Variants in GALK1 observed in about 807,000 individuals in gnomAD.
The protein encoded by GALK1 is galactokinase.
GALK1 carries 30 observed loss-of-function variants against 38.6 expected under a neutral mutation model. The observed-to-expected ratio is 0.78, with a 90% CI of 0.58 to 1.05. The LOEUF (loss-of-function observed/expected upper bound fraction) is 1.05. GALK1 is among the 50% of genes least tolerant of loss of function. The pLI, the probability that GALK1 is intolerant of heterozygous loss-of-function variation, is 0.00. For synonymous variants in GALK1, 240 were observed against 233.6 expected (o/e 1.03, Z -0.25); for missense variants, 512 against 540.5 (o/e 0.95, Z 0.52).
downstream of GALK1, chr17:75,755,566 AG>A: frequency 9.0e-7 from 1 of 1,116,542 alleles, no homozygotes; most frequent in Non-Finnish European, 1.3e-6. Flanking sequence ...AGGGTGTTGC[AG>A]GGTGAGTGAG....
At chr17:75,753,700 C>A, downstream of GALK1, 1 of 1,137,752 alleles carries the variant, frequency 8.8e-7, no homozygotes, top group South Asian at 3.0e-5. Context: ...CGGCCTTCCC[C>A]CGCCTGGCCC....
chr17:75,754,620 A>G (rs1219985007), downstream of GALK1: 2 of 1,613,940 alleles, frequency 1.2e-6, no homozygotes, highest in Non-Finnish European at 1.7e-6. Flanking sequence ...CCCGGGCAGC[A>G]CCAACTCCCT....
chr17:75,757,783 T>G, downstream of GALK1: 1 of 681,472 alleles, frequency 1.5e-6, no homozygotes, highest in African/African-American at 1.8e-5. Flanking sequence ...GACCCAGCCT[T>G]TGTTCTGCAC....
chr17:75,762,788 G>A lies in GALK1; in HGVS notation c.709C>T (p.Pro237Ser). 6.2e-7 allele frequency: 1 copy of A among 1,613,916 alleles called. No homozygotes were observed. The highest frequency in any genetic ancestry group is 8.5e-7 in the Non-Finnish European group (1 of 1,180,014). ...TCTTCACATTGGCGCCGCCGCACAG[G>A]GTACTCGCTGGAGGCCAGGGAGTGG... ...VRHSLASSEYPVRRRQCEEVA... is the reference protein window; with the variant it reads ...VRHSLASSEYSVRRRQCEEVA... The change falls in exon 5 of 8, where the codon CCT becomes TCT. Residue 237 changes from proline (P) to serine (S), a missense_variant. Coordinates refer to ENST00000588479, the MANE Select transcript of GALK1 (RefSeq NM_000154.2).
intron 1 of GALK1, chr17:75,764,742 T>C (rs2061603379): frequency 3.2e-6 from 2 of 623,834 alleles, no homozygotes; most frequent in Admixed American, 2.8e-5. Flanking sequence ...AGGGCGGGCT[T>C]GAGCCAAGAG....
At position 75,758,272 on chromosome 17, in the gene GALK1, C is replaced by G; in HGVS notation, c.1045G>C (p.Gly349Arg). 6.3e-7 allele frequency: 1 copy of G among 1,593,660 alleles called. No individual in the cohort carries two copies. The highest frequency in any genetic ancestry group is 8.5e-7 in the Non-Finnish European group (1 of 1,171,272). The change falls in exon 7 of 8, where the codon GGT becomes CGT. Residue 349 changes from glycine (G) to arginine (R), a missense_variant. By Grantham distance (125) the Gly-to-Arg change is moderately radical. Coordinates refer to ENST00000588479, the MANE Select transcript of GALK1 (RefSeq NM_000154.2). ...YGSRMTGGGF[G>R]GCTVTLLEAS... ...TCCAGCAGTGTCACCGTGCAGCCAC[C>G]GAAGCCACCGCCCGTCATGCGGCTG...
Position 75,758,313 on chromosome 17 carries a change from A to G in GALK1, c.1004T>C (p.Val335Ala). ...CATGCGGCTGCCATAAACCCCAGGC[A>G]CAGCAAGCGCAGCCTCCACCAGCTG... ...LDQLVEAALA[V>A]PGVYGSRMTG... The change falls in exon 7 of 8, where the codon GTG becomes GCG. Residue 335 changes from valine (V) to alanine (A), a missense_variant. Coordinates refer to ENST00000588479, the MANE Select transcript of GALK1 (RefSeq NM_000154.2). 6.3e-7 allele frequency: 1 copy of G among 1,594,200 alleles called. No individual in the cohort carries two copies. The highest frequency in any genetic ancestry group is 8.5e-7 in the Non-Finnish European group (1 of 1,171,366).
downstream of GALK1, among the ~76,000 whole-genome samples, chr17:75,756,264 A>G (rs1159046277): frequency 1.3e-5 from 2 of 152,120 alleles, no homozygotes; most frequent in Admixed American, 1.3e-4. Context: ...ATAGTACACA[A>G]TCTGAACAAC....
At chr17:75,754,761 C>A, downstream of GALK1, 1 of 1,612,688 alleles carries the variant, frequency 6.2e-7, no homozygotes. Context: ...AGAACACTCA[C>A]ACTCGACCAC....
downstream of GALK1, chr17:75,756,455 A>G (rs2061505322): frequency 6.2e-7 from 1 of 1,613,114 alleles, no homozygotes. Context: ...CAACATCCCC[A>G]ACCCTGCCCA....
downstream of GALK1, chr17:75,755,088 G>A (rs139368129): frequency 1.2e-6 from 2 of 1,602,096 alleles, no homozygotes; most frequent in Non-Finnish European, 1.7e-6. Flanking sequence ...GGGAGGAGCA[G>A]GCTTCCGCTG....
rs529704433 is a variant in GALK1 at position 75,764,268 on chromosome 17, TAGG to T, written c.166-185_166-183del. ...CTTGGGGGCTTGAGCCCTGCCCCCT[TAGG>T]TCTTCAGGGGCGGGGCGGCTGCAGC... is the stretch of plus-strand genomic sequence containing the variant. On this transcript the variant is annotated intron_variant, in intron 1 of 7. Coordinates refer to ENST00000588479, the MANE Select transcript of GALK1 (RefSeq NM_000154.2). 2.2e-3 allele frequency: 1,673 copies of T among 773,206 alleles called. 2 individuals are homozygous for T. The highest frequency in any genetic ancestry group is 3.4e-3 in the Non-Finnish European group (1,454 of 427,230). 47.9% of individuals were successfully genotyped at this position (773,206 alleles called of 1,614,324 possible).
chr17:75,752,489 G>A, intron 8 of GALK1: 1 of 1,613,690 alleles, frequency 6.2e-7, no homozygotes, highest in East Asian at 2.2e-5. Flanking sequence ...CCCAGAGCGG[G>A]GAGGACTACG....
At chr17:75,756,894 G>T, downstream of GALK1, 3 of 1,612,276 alleles carry the variant, frequency 1.9e-6, no homozygotes, top group African/African-American at 2.7e-5. Flanking sequence ...GTGGCCAGGG[G>T]AGGGGTAAAG....
At position 75,758,029 on chromosome 17, in the gene GALK1, C is replaced by T. The variant is rs759440799; in HGVS notation, c.*27G>A. The stretch of plus-strand genomic sequence containing the variant: ...GGGACTGGCCTGCAGGCCCCGCACC[C>T]TCACCGTGTGCTGTCCTGGGGGTGC... On this transcript the variant is annotated 3_prime_UTR_variant, in exon 8 of 8. Coordinates refer to ENST00000588479, the MANE Select transcript of GALK1 (RefSeq NM_000154.2). 26 of 1,612,054 alleles carry T rather than the reference C, an allele frequency of 1.6e-5. No homozygotes were observed. The highest frequency in any genetic ancestry group is 1.4e-4 in the South Asian group (13 of 90,980).
At chr17:75,755,785 G>A (rs121912464), downstream of GALK1, 1 of 1,612,106 alleles carries the variant, frequency 6.2e-7, no homozygotes, top group Non-Finnish European at 8.5e-7. Context: ...AGAGTGAGCT[G>A]GCAGGAGCCG....
chr17:75,764,318 GC>G (rs2061601315), intron 1 of GALK1: 1 of 747,546 alleles, frequency 1.3e-6, no homozygotes, highest in Non-Finnish European at 2.5e-6. Flanking sequence ...CCTGGACTCT[GC>G]CCTGAGCTGT....
intron 1 of GALK1, 65 bp from the exon 2 acceptor site, chr17:75,764,151 T>A (rs1360417369): frequency 7.0e-7 from 1 of 1,423,510 alleles, no homozygotes; most frequent in African/African-American, 1.4e-5. Flanking sequence ...CCAATGACAC[T>A]GCCTCCAGCC....
downstream of GALK1, chr17:75,757,000 C>A: frequency 6.2e-7 from 1 of 1,612,888 alleles, no homozygotes; most frequent in South Asian, 1.1e-5. Flanking sequence ...CTGACCGTGC[C>A]GGGCCTCAGC....
Sources: gnomAD v4.1 joint callset for allele counts (sites outside exome capture counted in the v4.1 genomes callset) on GRCh38, gnomAD v4.1.1 for gene constraint, MANE v1.5 for transcripts, NCBI Gene and HGNC (gene_info 2026-07-23, HGNC 2026-07-21) for gene names.